Variants in ADARB2 observed in about 807,000 individuals in gnomAD.
The protein encoded by ADARB2 is adenosine deaminase RNA specific B2 (inactive), also known as inactive double-stranded RNA-specific editase B2.
A neutral mutation model predicts 62.2 loss-of-function variants in ADARB2; 25 were observed. That is an observed-to-expected ratio of 0.40 (90% CI 0.29 to 0.56). The LOEUF is 0.56. Among genes scored for constraint, ADARB2 ranks in the 20% least tolerant of loss-of-function variants. ADARB2 has a pLI of 0.43. For missense variants in ADARB2, 1,071 were observed against 1,077.4 expected (o/e 0.99, Z 0.08); for synonymous variants, 572 against 500.8 (o/e 1.14, Z -1.90).
chr10:1,706,053 G>A (rs1834886405), intron 1 of ADARB2, among the ~76,000 whole-genome samples: 1 of 152,208 alleles, frequency 6.6e-6, no homozygotes, highest in African/African-American at 2.4e-5. Context: ...GCCATTAGCT[G>A]TGATTAGTGG....
intron 3 of ADARB2, among the ~76,000 whole-genome samples, chr10:1,302,719 C>G (rs897533889): frequency 1.8e-4 from 28 of 152,318 alleles, no homozygotes; most frequent in Middle Eastern, 3.4e-3. Flanking sequence ...GGTCCCTGAC[C>G]CCTGACCCCT....
chr10:1,684,906 G>A (rs1248911078), intron 1 of ADARB2, among the ~76,000 whole-genome samples: 1 of 152,174 alleles, frequency 6.6e-6, no homozygotes, highest in Non-Finnish European at 1.5e-5. Flanking sequence ...GGACCTGGAA[G>A]CCAAGGATAG....
chr10:1,587,031 G>A (rs139641887), intron 1 of ADARB2, among the ~76,000 whole-genome samples: 96 of 152,234 alleles, frequency 6.3e-4, no homozygotes, highest in African/African-American at 2.2e-3. Context: ...CAATTACACC[G>A]GGGAATTGCA....
intron 1 of ADARB2, among the ~76,000 whole-genome samples, chr10:1,591,052 C>T (rs1213620176): frequency 6.6e-6 from 1 of 152,244 alleles, no homozygotes; most frequent in Non-Finnish European, 1.5e-5. Context: ...GATTATACCT[C>T]AGTGAAACTG....
chr10:1,632,313 G>A (rs547383792), intron 1 of ADARB2, among the ~76,000 whole-genome samples: 1 of 151,444 alleles, frequency 6.6e-6, no homozygotes, highest in East Asian at 2.0e-4. Context: ...CACACACACA[G>A]GCACACAATA....
intron 3 of ADARB2, among the ~76,000 whole-genome samples, chr10:1,280,805 C>T (rs1831364110): frequency 6.6e-6 from 1 of 152,216 alleles, no homozygotes; most frequent in Non-Finnish European, 1.5e-5. Context: ...GTGTTTGCCT[C>T]CTAGGCTCTT....
In ADARB2 at chr10:1,187,340, C is replaced by T. The variant is rs567968102; in HGVS notation, c.1865-2301G>A. ...GATCTGCGTGCACTGGGCAGCCTCC[C>T]CTCCTCCTCCCACTCCCGTCACCAG... On this transcript the variant is annotated intron_variant, in intron 8 of 9. Transcript: ENST00000381312. Among the ~76,000 whole-genome samples, 3 of 152,210 alleles carry T rather than the reference C, an allele frequency of 2.0e-5. No homozygotes were observed. The South Asian group carries it at 6.2e-4, about 32-fold the overall frequency.
intron 6 of ADARB2, among the ~76,000 whole-genome samples, chr10:1,219,490 C>T (rs1017113616): frequency 6.6e-6 from 1 of 152,240 alleles, no homozygotes; most frequent in South Asian, 2.1e-4. Flanking sequence ...GATGGCTTTT[C>T]ACTTTGTAAC....
chr10:1,536,062 T>C (rs531239760), intron 1 of ADARB2, among the ~76,000 whole-genome samples: 1 of 152,034 alleles, frequency 6.6e-6, no homozygotes, highest in Admixed American at 6.5e-5. Flanking sequence ...CCCAGAAACA[T>C]GGGCAGCAGC....
intron 1 of ADARB2, among the ~76,000 whole-genome samples, chr10:1,623,848 A>C (rs1833735889): frequency 6.6e-6 from 1 of 152,240 alleles, no homozygotes; most frequent in Admixed American, 6.5e-5. Flanking sequence ...TTCAGTAGGC[A>C]CTATTATTAT....
chr10:1,662,499 C>T (rs535439058), intron 1 of ADARB2, among the ~76,000 whole-genome samples: 5 of 152,292 alleles, frequency 3.3e-5, no homozygotes, highest in African/African-American at 1.2e-4. Flanking sequence ...AGTGCAGCCA[C>T]GTGGGCCCAG....
intron 3 of ADARB2, among the ~76,000 whole-genome samples, chr10:1,309,453 G>A (rs1831663968): frequency 6.6e-6 from 1 of 152,220 alleles, no homozygotes. Flanking sequence ...GGCCAGGGCT[G>A]GCTCCTAGGT....
intron 1 of ADARB2, among the ~76,000 whole-genome samples, chr10:1,569,700 A>C (rs1428210732): frequency 6.6e-6 from 1 of 152,162 alleles, no homozygotes; most frequent in Non-Finnish European, 1.5e-5. Context: ...ATTGGCCATA[A>C]ATTTGATCAT....
intron 1 of ADARB2, among the ~76,000 whole-genome samples, chr10:1,611,882 G>A (rs1833576947): frequency 1.3e-5 from 2 of 152,142 alleles, no homozygotes; most frequent in African/African-American, 2.4e-5. Context: ...CCTGGACCAT[G>A]CACCCCAGAT....
At chr10:1,274,679 C>G (rs761846704) in intron 3 of ADARB2, among the ~76,000 whole-genome samples, 4 of 152,210 alleles carry the variant, frequency 2.6e-5, no homozygotes, top group African/African-American at 7.2e-5. Flanking sequence ...GACACACAAA[C>G]AGTGACAACA....
intron 3 of ADARB2, among the ~76,000 whole-genome samples, chr10:1,280,849 TC>T (rs2131805008): frequency 6.6e-6 from 1 of 152,286 alleles, no homozygotes; most frequent in East Asian, 1.9e-4. Context: ...GTTTCTCTCT[TC>T]CCTCCCTACA....
chr10:1,271,386 G>A (rs140720296), intron 3 of ADARB2, among the ~76,000 whole-genome samples: 99 of 152,334 alleles, frequency 6.5e-4, no homozygotes, highest in African/African-American at 2.2e-3. Flanking sequence ...AGCAGTGACT[G>A]GAGGAGTCTT....
intron 6 of ADARB2, among the ~76,000 whole-genome samples, chr10:1,222,797 C>T (rs1281217154): frequency 6.7e-6 from 1 of 149,474 alleles, no homozygotes; most frequent in African/African-American, 2.6e-5. Flanking sequence ...GTACCAGTAC[C>T]ATGCTGTTTT....
At chr10:1,234,072 G>A (rs1830837255) in intron 5 of ADARB2, among the ~76,000 whole-genome samples, 1 of 148,274 alleles carries the variant, frequency 6.7e-6, no homozygotes, top group South Asian at 2.2e-4. Context: ...CTGAGTTCAA[G>A]CAATTCTTCT....
Sources: gnomAD v4.1 joint callset for allele counts (sites outside exome capture counted in the v4.1 genomes callset) on GRCh38, gnomAD v4.1.1 for gene constraint, MANE v1.5 for transcripts, NCBI Gene and HGNC (gene_info 2026-07-23, HGNC 2026-07-21) for gene names.